The following SEC24A variants were observed in gnomAD, a reference collection of about 807,000 sequenced individuals.
SEC24A encodes protein transport protein Sec24A.
A neutral mutation model predicts 129.4 loss-of-function variants in SEC24A; 93 were observed. That is an observed-to-expected ratio of 0.72 (90% confidence interval 0.61 to 0.85). The LOEUF (loss-of-function observed/expected upper bound fraction) is 0.85, where lower values mean the gene tolerates loss of function less well. Ranked by LOEUF, SEC24A falls within the 40% of genes least tolerant of loss-of-function variation. SEC24A has a pLI of 0.00. For missense variants in SEC24A, 1,264 were observed against 1,307.4 expected, an observed-to-expected ratio of 0.97 and a Z score of 0.51; for synonymous variants, 460 against 467.3, an observed-to-expected ratio of 0.98 and a Z score of 0.20.
At chr5:134,667,075 C>T in intron 3 of SEC24A, 79 bp downstream of exon 3, 9 of 1,210,852 alleles carry the variant, frequency 7.4e-6, no homozygotes, top group Non-Finnish European at 1.0e-5. Context: ...GAATTCTGTG[C>T]ATTAAAATCA....
intron 3 of SEC24A, among the ~76,000 whole-genome samples, chr5:134,669,619 G>T (rs1025500502): frequency 6.6e-6 from 1 of 151,728 alleles, no homozygotes; most frequent in Non-Finnish European, 1.5e-5. Context: ...GGGACTACAG[G>T]CGCCTGCCAC....
chr5:134,658,605 C>T (rs1227386756), intron 1 of SEC24A, among the ~76,000 whole-genome samples: 2 of 152,042 alleles, frequency 1.3e-5, no homozygotes, highest in East Asian at 3.8e-4. Flanking sequence ...AATGGAGTCT[C>T]GCTGTGTTGC....
chr5:134,682,935 G>T (rs113245020), intron 9 of SEC24A, among the ~76,000 whole-genome samples: 15 of 152,108 alleles, frequency 9.9e-5, no homozygotes, highest in Non-Finnish European at 2.1e-4. Flanking sequence ...AATATATAAG[G>T]GTATATTTGA....
chr5:134,708,240 C>G (rs1420516863), intron 17 of SEC24A, among the ~76,000 whole-genome samples: 1 of 152,112 alleles, frequency 6.6e-6, no homozygotes, highest in East Asian at 1.9e-4. Context: ...GAGGCTGAGG[C>G]AGGAGGACTG....
intron 15 of SEC24A, among the ~76,000 whole-genome samples, chr5:134,700,880 A>T (rs1364852812): frequency 6.6e-6 from 1 of 151,950 alleles, no homozygotes; most frequent in Non-Finnish European, 1.5e-5. Context: ...TACCACTCCC[A>T]GCTAATTTTT....
intron 11 of SEC24A, among the ~76,000 whole-genome samples, chr5:134,689,686 G>A (rs969998513): frequency 1.3e-5 from 2 of 151,906 alleles, no homozygotes; most frequent in Non-Finnish European, 2.9e-5. Context: ...GCGTGAACTC[G>A]GGAGGAGGCG....
At chr5:134,659,931 G>A (rs1250124502) in intron 1 of SEC24A, among the ~76,000 whole-genome samples, 1 of 152,022 alleles carries the variant, frequency 6.6e-6, no homozygotes, top group Non-Finnish European at 1.5e-5. Flanking sequence ...GGGATTATAT[G>A]TGTGAGGCAC....
chr5:134,705,549 C>T (rs192065879), intron 17 of SEC24A, 112 bp downstream of exon 17: 147 of 579,642 alleles, frequency 2.5e-4, no homozygotes, highest in African/African-American at 2.2e-3. Context: ...TTTTAGATCC[C>T]CTGGGTGCCT....
At chr5:134,683,662 C>T (rs971781121) in intron 9 of SEC24A, among the ~76,000 whole-genome samples, 1 of 152,152 alleles carries the variant, frequency 6.6e-6, no homozygotes, top group Non-Finnish European at 1.5e-5. Flanking sequence ...TACAGACATG[C>T]ACCACCATGC....
At chr5:134,655,551 CAGCCTCCTG>C (rs138728367) in intron 1 of SEC24A, among the ~76,000 whole-genome samples, 7,245 of 151,998 alleles carry the variant, frequency 0.048, 269 homozygotes, top group Non-Finnish European at 0.064. Context: ...CAGGAGGCCT[CAGCCTCCTG>C]AGTGATTCTC....
Position 134,661,209 on chromosome 5 carries a change from C to A in SEC24A, c.188C>A (p.Pro63Gln). The A allele has an allele frequency of 8.7e-6, 14 of 1,614,130 alleles. No individual in the cohort carries two copies. Among genetic ancestry groups the A allele is most frequent in the Non-Finnish European group, 1.2e-5 (14 of 1,180,004 alleles). The change falls in exon 2 of 23, where the codon CCA becomes CAA. Residue 63 changes from proline to glutamine, a missense_variant. Transcript: ENST00000398844. ...QLPGSYPHPI[P>Q]AKTLNPVSGQ... is the part of the protein sequence containing the mutation. ...CCAGGATCCTACCCTCATCCAATACCAGCAAAGACTTTGAATCCAGTCTCT... is the reference window on the plus strand; with the variant it reads ...CCAGGATCCTACCCTCATCCAATACAAGCAAAGACTTTGAATCCAGTCTCT...
chr5:134,653,879 C>T lies in SEC24A; in HGVS notation c.97+4706C>T, dbSNP rs191564632. Among the ~76,000 whole-genome samples the T allele has an allele frequency of 1.9e-3, 283 of 151,868 alleles. 1 individual carries two copies. The highest frequency in any genetic ancestry group is 5.4e-3 in the South Asian group (26 of 4,796). ...TTGTCTCAAAAATAAATAAATAGGC[C>T]GGGTGCAGTGGCTCACACCTGTAAT... On this transcript the variant is annotated intron_variant, in intron 1 of 22. Transcript: ENST00000398844.
At position 134,725,098 on chromosome 5, in the gene SEC24A, A is replaced by G; in HGVS notation, c.*4A>G. On this transcript the variant is annotated 3_prime_UTR_variant, in exon 23 of 23. Transcript: ENST00000398844. Reference sequence around the variant, plus strand: ...ACAGCAACAAGTGAATAAATGAATGAATGAAGAAATTTGACTTATTTTTAA... The same window carrying G: ...ACAGCAACAAGTGAATAAATGAATGGATGAAGAAATTTGACTTATTTTTAA... 1 of 1,375,578 alleles carries G rather than the reference A, an allele frequency of 7.3e-7. No individual in the cohort carries two copies. The highest frequency in any genetic ancestry group is 2.3e-5 in the East Asian group (1 of 43,520). 85.2% of individuals were successfully genotyped at this position (1,375,578 alleles called of 1,614,324 possible).
At chr5:134,720,217 G>A (rs1752591946) in intron 20 of SEC24A, among the ~76,000 whole-genome samples, 1 of 152,106 alleles carries the variant, frequency 6.6e-6, no homozygotes, top group Admixed American at 6.6e-5. Flanking sequence ...CTATACAGGT[G>A]TACTGTTTAT....
At chr5:134,651,303 A>C (rs890989756) in intron 1 of SEC24A, among the ~76,000 whole-genome samples, 3 of 147,858 alleles carry the variant, frequency 2.0e-5, no homozygotes, top group African/African-American at 4.9e-5. Context: ...ATATTTTATT[A>C]TTATTTTTTG....
At chr5:134,718,373 A>G (rs1752537955) in intron 20 of SEC24A, among the ~76,000 whole-genome samples, 200 bp downstream of exon 20, 2 of 152,216 alleles carry the variant, frequency 1.3e-5, no homozygotes, top group African/African-American at 4.8e-5. Context: ...GGAGCTGAAG[A>G]ATTCGTATCA....
rs576988600 is a variant in SEC24A, at chr5:134,699,990, C to T, written c.2266+1933C>T. ...TGCTGGGATTACAGGTATGAGCCAC[C>T]GCACCCAGCCTGTACTCTTATTTTT... On this transcript the variant is annotated intron_variant, in intron 15 of 22. Coordinates refer to ENST00000398844, the MANE Select transcript of SEC24A (RefSeq NM_021982.3). Among the ~76,000 whole-genome samples, 8 of 151,880 alleles carry T rather than the reference C, an allele frequency of 5.3e-5. 1 individual carries two copies. Among genetic ancestry groups the T allele is most frequent in the South Asian group, 2.1e-4 (1 of 4,822 alleles).
intron 3 of SEC24A, among the ~76,000 whole-genome samples, chr5:134,668,774 T>C (rs931825864): frequency 1.3e-5 from 2 of 151,176 alleles, no homozygotes; most frequent in Non-Finnish European, 2.9e-5. Flanking sequence ...TGGGCGCCTG[T>C]AATCCCAGCT....
intron 15 of SEC24A, chr5:134,701,402 A>G (rs1196325969): frequency 1.3e-5 from 2 of 152,190 alleles, no homozygotes; most frequent in Non-Finnish European, 2.9e-5. Context: ...GGAAGTGTAC[A>G]TCCTAATGTG....
Sources: allele counts gnomAD v4.1 joint callset (sites outside exome capture counted in the v4.1 genomes callset), GRCh38; gene constraint gnomAD v4.1.1; transcripts MANE v1.5; gene names NCBI Gene and HGNC (gene_info 2026-07-23, HGNC 2026-07-21).